The following AGMO variants were observed in gnomAD, a reference collection of about 807,000 sequenced individuals.
AGMO encodes the protein alkylglycerol monooxygenase.
In AGMO, 75 loss-of-function variants were observed where a neutral mutation model predicts 60.2. The ratio of observed to expected loss-of-function variants is 1.25; its 90% CI spans 1.03 to 1.51. The LOEUF is 1.51. Among genes scored for constraint, AGMO ranks in the 40% most tolerant of loss-of-function variants. The pLI, the probability that AGMO is intolerant of heterozygous loss-of-function variation, is 0.00. For missense variants in AGMO, 763 were observed against 525.5 expected (o/e 1.45, Z -4.42); for synonymous variants, 261 against 177.1 (o/e 1.47, Z -3.76).
intron 3 of AGMO, among the ~76,000 whole-genome samples, chr7:15,518,325 GGACA>G (rs1783879916): frequency 6.6e-6 from 1 of 152,098 alleles, no homozygotes; most frequent in African/African-American, 2.4e-5. Context: ...CTCTGCTAAG[GGACA>G]GACTGTCTCC....
chr7:15,395,502 A>G (rs1249052537), intron 5 of AGMO, among the ~76,000 whole-genome samples: 1 of 152,094 alleles, frequency 6.6e-6, no homozygotes, highest in Non-Finnish European at 1.5e-5. Flanking sequence ...GGGAGTTATA[A>G]TAACATTGTC....
At chr7:15,142,505 T>A in the AGMO span, among the ~76,000 whole-genome samples, 1 of 152,218 alleles carries the variant, frequency 6.6e-6, no homozygotes, top group Middle Eastern at 3.2e-3. Flanking sequence ...TCAGCCTCCA[T>A]AATTTCTTCT....
At chr7:15,374,811 G>GA (rs1355915307) in intron 10 of AGMO, among the ~76,000 whole-genome samples, 2 of 152,102 alleles carry the variant, frequency 1.3e-5, no homozygotes, top group Non-Finnish European at 2.9e-5. Context: ...GAGAAACCAA[G>GA]AAGGCTAGCA....
intron 5 of AGMO, among the ~76,000 whole-genome samples, chr7:15,395,406 A>G (rs1034073879): frequency 2.0e-5 from 3 of 152,212 alleles, no homozygotes; most frequent in African/African-American, 7.2e-5. Context: ...TATCGATTTG[A>G]ACAAACCTAA....
chr7:15,399,970 CTCT>C (rs1235535352), intron 5 of AGMO, among the ~76,000 whole-genome samples: 1 of 152,148 alleles, frequency 6.6e-6, no homozygotes, highest in East Asian at 1.9e-4. Flanking sequence ...TCTCCAAGCA[CTCT>C]TCTTGATTTT....
At chr7:15,506,873 TAG>T (rs1783525110) in intron 3 of AGMO, among the ~76,000 whole-genome samples, 1 of 151,826 alleles carries the variant, frequency 6.6e-6, no homozygotes, top group Admixed American at 6.6e-5. Flanking sequence ...CTGTGAGACT[TAG>T]AGAGCTACCC....
intron 3 of AGMO, among the ~76,000 whole-genome samples, chr7:15,442,375 T>C (rs1781580831): frequency 6.6e-6 from 1 of 152,154 alleles, no homozygotes; most frequent in African/African-American, 2.4e-5. Context: ...GACTATCAGG[T>C]CTTGCTACAA....
intron 5 of AGMO, among the ~76,000 whole-genome samples, chr7:15,416,528 T>C (rs1164758711): frequency 6.6e-6 from 1 of 152,332 alleles, no homozygotes; most frequent in South Asian, 2.1e-4. Flanking sequence ...AAAATCAGTA[T>C]CTTCTTAAGA....
chr7:15,397,744 A>G (rs2128488604), intron 5 of AGMO, among the ~76,000 whole-genome samples: 1 of 152,288 alleles, frequency 6.6e-6, no homozygotes. Flanking sequence ...CATACAATGG[A>G]GCTCATTTAT....
intron 3 of AGMO, among the ~76,000 whole-genome samples, chr7:15,447,462 C>T (rs778050880): frequency 3.3e-5 from 5 of 152,118 alleles, no homozygotes; most frequent in Admixed American, 2.6e-4. Context: ...AACCCCATAG[C>T]GGGATAAAGT....
chr7:15,122,823 A>C, the AGMO span, among the ~76,000 whole-genome samples: 1 of 151,910 alleles, frequency 6.6e-6, no homozygotes, highest in Non-Finnish European at 1.5e-5. Context: ...TGTTTTCCTC[A>C]CTTCTCTCCT....
intron 5 of AGMO, among the ~76,000 whole-genome samples, chr7:15,395,662 C>G (rs1290509743): frequency 6.6e-6 from 1 of 152,000 alleles, no homozygotes; most frequent in African/African-American, 2.4e-5. Flanking sequence ...AGTTTTGAAA[C>G]AAAATGGATA....
At chr7:15,478,515 G>C (rs954970592) in intron 3 of AGMO, among the ~76,000 whole-genome samples, 5 of 152,120 alleles carry the variant, frequency 3.3e-5, no homozygotes, top group African/African-American at 1.2e-4. Context: ...CAAAAACCAG[G>C]AGAGTCCAGC....
intron 8 of AGMO, 76 bp from the exon 9 acceptor site, chr7:15,387,616 A>G: frequency 7.5e-7 from 1 of 1,332,330 alleles, no homozygotes; most frequent in Non-Finnish European, 1.0e-6. Context: ...TATGTATATT[A>G]TTTTATTGTT....
At chr7:15,553,254 TG>T (rs550093357) in intron 2 of AGMO, among the ~76,000 whole-genome samples, 3,031 of 151,616 alleles carry the variant, frequency 0.02, 98 homozygotes, top group African/African-American at 0.069. Context: ...CGCACCAGCA[TG>T]GCACATGTAT....
intron 3 of AGMO, among the ~76,000 whole-genome samples, chr7:15,465,797 A>G (rs1782268324): frequency 6.6e-6 from 1 of 151,886 alleles, no homozygotes; most frequent in Non-Finnish European, 1.5e-5. Flanking sequence ...ATCTGTATTT[A>G]CTTGATAACC....
At chr7:15,292,548 T>A (rs539934808) in intron 12 of AGMO, among the ~76,000 whole-genome samples, 2 of 152,106 alleles carry the variant, frequency 1.3e-5, no homozygotes, top group African/African-American at 4.8e-5. Flanking sequence ...TTTTTAATAT[T>A]TTAAACTTAA....
At chr7:15,533,941 T>C (rs1784426596) in intron 3 of AGMO, among the ~76,000 whole-genome samples, 1 of 152,112 alleles carries the variant, frequency 6.6e-6, no homozygotes, top group Admixed American at 6.6e-5. Flanking sequence ...TGTGATAATA[T>C]ACAATGGTGG....
intron 12 of AGMO, among the ~76,000 whole-genome samples, chr7:15,274,695 C>CT (rs549793677): frequency 0.14 from 19,484 of 135,758 alleles, 1,410 homozygotes; most frequent in South Asian, 0.24. Context: ...TGGTGATGGG[C>CT]TTTTTTTTTT....
Sources: allele counts gnomAD v4.1 joint callset (sites outside exome capture counted in the v4.1 genomes callset), GRCh38; gene constraint gnomAD v4.1.1; transcripts MANE v1.5; gene names NCBI Gene and HGNC (gene_info 2026-07-23, HGNC 2026-07-21).